Variants in ATP2B2 observed in about 807,000 individuals in gnomAD.
The protein encoded by ATP2B2 is plasma membrane calcium-transporting ATPase 2.
ATP2B2 carries 15 observed loss-of-function variants against 120.0 expected under a neutral mutation model. That is an observed-to-expected ratio of 0.12 (90% CI 0.08 to 0.19). The LOEUF (loss-of-function observed/expected upper bound fraction) is 0.19, where lower values mean the gene tolerates loss of function less well. Among genes scored for constraint, ATP2B2 ranks in the 10% least tolerant of loss-of-function variants. ATP2B2 has a pLI of 1.00. For missense variants in ATP2B2, 1,045 were observed against 1,719.8 expected (o/e 0.61, Z 6.94); for synonymous variants, 694 against 700.3 (o/e 0.99, Z 0.14).
intron 3 of ATP2B2, among the ~76,000 whole-genome samples, chr3:10,523,388 T>G (rs2067024057): frequency 6.6e-6 from 1 of 152,258 alleles, no homozygotes; most frequent in South Asian, 2.1e-4. Context: ...CCCCAACTTT[T>G]GTTAGCCTCT....
chr3:10,491,236 T>C (rs1449561178), intron 1 of ATP2B2, among the ~76,000 whole-genome samples: 1 of 151,474 alleles, frequency 6.6e-6, no homozygotes, highest in African/African-American at 2.4e-5. Flanking sequence ...TTTTTTTTTT[T>C]TTTTTTGAGA....
rs1360028526 is a variant in ATP2B2 at position 10,589,798 on chromosome 3, T to C, written c.-415+30119A>G. ...CAACAATCCCAAGTGTGGGTGAGGA[T>C]GTGGAACCACTGGAGCTCTCATCTG... is the stretch of plus-strand genomic sequence containing the variant. On this transcript the variant is annotated intron_variant, in intron 2 of 21. Transcript: ENST00000646379. Among the ~76,000 whole-genome samples the C allele has an allele frequency of 4.6e-5, 7 of 152,196 alleles. No homozygotes were observed. The East Asian group carries it at 9.6e-4, about 21-fold the overall frequency.
At chr3:10,661,208 C>T (rs1311797161) in intron 1 of ATP2B2, among the ~76,000 whole-genome samples, 1 of 152,040 alleles carries the variant, frequency 6.6e-6, no homozygotes, top group Non-Finnish European at 1.5e-5. Flanking sequence ...TGCCCTCTCT[C>T]ACCACTCCTA....
intron 2 of ATP2B2, among the ~76,000 whole-genome samples, chr3:10,541,929 A>G (rs1284781764): frequency 6.6e-6 from 1 of 152,056 alleles, no homozygotes; most frequent in Non-Finnish European, 1.5e-5. Context: ...TTACAGGTCT[A>G]TTGTTTGGTG....
intron 1 of ATP2B2, among the ~76,000 whole-genome samples, chr3:10,662,216 G>T (rs2070802802): frequency 6.6e-6 from 1 of 151,936 alleles, no homozygotes; most frequent in Admixed American, 6.6e-5. Flanking sequence ...AAAAGCAATG[G>T]CAACAAAAGC....
chr3:10,434,225 G>T (rs1428461851), intron 2 of ATP2B2, among the ~76,000 whole-genome samples: 2 of 152,216 alleles, frequency 1.3e-5, no homozygotes, highest in Non-Finnish European at 2.9e-5. Flanking sequence ...ACTTATTATG[G>T]AATCTCAAAT....
chr3:10,611,908 A>G (rs1008836426), intron 2 of ATP2B2, among the ~76,000 whole-genome samples: 2 of 152,172 alleles, frequency 1.3e-5, no homozygotes, highest in African/African-American at 4.8e-5. Context: ...TCCCAGGTAC[A>G]CAGAAGATGC....
rs190248440 is a variant in ATP2B2 at position 10,609,659 on chromosome 3, C to T, written c.-415+10258G>A. ...TGAGGGTTAACCCTTTAAGAGCCAG[C>T]TCCTCTGCCAACTAGGTTTTGGGTC... On this transcript the variant is annotated intron_variant, in intron 2 of 21. Coordinates refer to the ATP2B2 transcript ENST00000646379. Among the ~76,000 whole-genome samples the T allele has an allele frequency of 3.1e-4, 47 of 152,296 alleles. 1 individual carries two copies. In the East Asian group the frequency reaches 7.5e-3, roughly 24 times the overall value.
At chr3:10,590,770 G>A (rs2068625403) in intron 2 of ATP2B2, among the ~76,000 whole-genome samples, 1 of 152,204 alleles carries the variant, frequency 6.6e-6, no homozygotes, top group Non-Finnish European at 1.5e-5. Flanking sequence ...ACATCAGCGT[G>A]GAGGAAGAGC....
intron 1 of ATP2B2, among the ~76,000 whole-genome samples, chr3:10,675,988 G>C (rs2071231446): frequency 6.6e-6 from 1 of 152,186 alleles, no homozygotes; most frequent in Non-Finnish European, 1.5e-5. Context: ...CTTTCCCTTT[G>C]TGATTGGATT....
intron 1 of ATP2B2, among the ~76,000 whole-genome samples, chr3:10,481,123 G>A (rs754829504): frequency 6.6e-6 from 1 of 152,216 alleles, no homozygotes; most frequent in Non-Finnish European, 1.5e-5. Context: ...AGCAGAGCTG[G>A]GAAATGGAAA....
intron 3 of ATP2B2, among the ~76,000 whole-genome samples, chr3:10,403,484 G>T (rs2062300145): frequency 6.6e-6 from 1 of 152,214 alleles, no homozygotes; most frequent in Non-Finnish European, 1.5e-5. Flanking sequence ...TGCAGTGCTG[G>T]GCCTAAGGCC....
intron 18 of ATP2B2, among the ~76,000 whole-genome samples, chr3:10,344,114 C>G (rs1319118711): frequency 6.6e-6 from 1 of 152,096 alleles, no homozygotes; most frequent in African/African-American, 2.4e-5. Flanking sequence ...CCCTTGCCCC[C>G]GTCCTCCCCA....
At chr3:10,430,757 C>T (rs2063290666) in intron 2 of ATP2B2, among the ~76,000 whole-genome samples, 1 of 150,298 alleles carries the variant, frequency 6.7e-6, no homozygotes, top group African/African-American at 2.4e-5. Flanking sequence ...AGAGCCAAGT[C>T]CCAAGAGGCC....
At chr3:10,636,578 C>CA (rs747635148) in intron 1 of ATP2B2, among the ~76,000 whole-genome samples, 1 of 151,794 alleles carries the variant, frequency 6.6e-6, no homozygotes, top group Admixed American at 6.6e-5. Flanking sequence ...CTCTCACCTG[C>CA]AAAAAATGAA....
chr3:10,418,428 G>C (rs2125052767), intron 2 of ATP2B2, among the ~76,000 whole-genome samples: 1 of 152,344 alleles, frequency 6.6e-6, no homozygotes, highest in Middle Eastern at 3.4e-3. Context: ...TTCTGCTCTA[G>C]TGCTGTACTT....
intron 15 of ATP2B2, 85 bp downstream of exon 15, chr3:10,350,313 G>C: frequency 1.3e-6 from 2 of 1,597,016 alleles, no homozygotes; most frequent in Non-Finnish European, 1.7e-6. Flanking sequence ...ACACTGGCTG[G>C]CTTCTGTACA....
At chr3:10,584,020 G>A (rs1269427980) in intron 2 of ATP2B2, among the ~76,000 whole-genome samples, 1 of 152,214 alleles carries the variant, frequency 6.6e-6, no homozygotes, top group East Asian at 1.9e-4. Context: ...GGAACATCGT[G>A]GCAAGCAAGG....
At chr3:10,615,275 G>T (rs1274355757) in intron 2 of ATP2B2, among the ~76,000 whole-genome samples, 10 of 152,212 alleles carry the variant, frequency 6.6e-5, no homozygotes, top group African/African-American at 2.4e-4. Context: ...AGGGACAGGT[G>T]TAGGAGCGGG....
Sources: gnomAD v4.1 joint callset for allele counts (sites outside exome capture counted in the v4.1 genomes callset) on GRCh38, gnomAD v4.1.1 for gene constraint, MANE v1.5 for transcripts, NCBI Gene and HGNC (gene_info 2026-07-23, HGNC 2026-07-21) for gene names.